INPP5D: variants seen among roughly 807,000 people sequenced by gnomAD.
INPP5D encodes the protein inositol polyphosphate-5-phosphatase D.
A neutral mutation model predicts 122.9 loss-of-function variants in INPP5D; 33 were observed. The observed-to-expected ratio is 0.27, with a 90% CI of 0.20 to 0.36. INPP5D has a LOEUF of 0.36. Among genes scored for constraint, INPP5D ranks in the 10% least tolerant of loss-of-function variants. The pLI, the probability that INPP5D is intolerant of heterozygous loss-of-function variation, is 1.00. For synonymous variants in INPP5D, 584 were observed against 576.2 expected (o/e 1.01, Z -0.19); for missense variants, 1,053 against 1,412.7 (o/e 0.75, Z 4.08).
Position 233,156,088 on chromosome 2 carries a change from G to T in INPP5D, c.1031-2225G>T, listed in dbSNP as rs145806570. 3.5e-3 allele frequency among the ~76,000 whole-genome samples: 526 copies of T among 152,346 alleles called. 6 individuals carry two copies. The highest frequency in any genetic ancestry group is 0.014 in the Middle Eastern group (4 of 294). The stretch of plus-strand genomic sequence containing the variant: ...GAAGTCTGGAAGAAACCAGGCACGA[G>T]CTTCTAAGAGTCTGAGCCTGAGACC... On this transcript the variant is annotated intron_variant, in intron 9 of 26. Coordinates refer to ENST00000445964, the MANE Select transcript of INPP5D (RefSeq NM_001017915.3).
At chr2:233,137,044 T>C (rs1693482122) in intron 5 of INPP5D, among the ~76,000 whole-genome samples, 1 of 152,202 alleles carries the variant, frequency 6.6e-6, no homozygotes. Flanking sequence ...TATTCCTGAA[T>C]GACAAAAAAG....
chr2:233,198,877 G>GAGGT (rs1695256596), intron 25 of INPP5D, among the ~76,000 whole-genome samples: 1 of 151,924 alleles, frequency 6.6e-6, no homozygotes, highest in African/African-American at 2.4e-5. Context: ...TTGAACCCAG[G>GAGGT]AGGTGGAGGT....
At position 233,163,850 on chromosome 2, in the gene INPP5D, C is replaced by G. The variant is rs1299294584; in HGVS notation, c.1384C>G (p.Leu462Val). 2 of 1,613,950 alleles carry G rather than the reference C, an allele frequency of 1.2e-6. No individual in the cohort carries two copies. The change falls in exon 12 of 27, where the codon CTG (leucine) becomes GTG (valine). Residue 462 changes from leucine (L) to valine (V), a missense_variant. Physicochemically the swap from Leu to Val is conservative, Grantham distance 32. Coordinates refer to ENST00000445964, the MANE Select transcript of INPP5D (RefSeq NM_001017915.3). The stretch of plus-strand genomic sequence containing the variant: ...GGACCCCCTGAGTGAGAAGGAGTGG[C>G]TGGAGATCCTCAAACACTCCCTGCA... ...QEDPLSEKEW[L>V]EILKHSLQEI...
intron 24 of INPP5D, among the ~76,000 whole-genome samples, chr2:233,195,828 G>A (rs889450886): frequency 8.5e-5 from 13 of 152,156 alleles, no homozygotes; most frequent in South Asian, 8.3e-4. Context: ...TTAGCTGGGC[G>A]TGGTGGTGGC....
intron 13 of INPP5D, chr2:233,169,023 A>C (rs1694418275): frequency 2.6e-6 from 1 of 381,268 alleles, no homozygotes. Flanking sequence ...CTGCCCGCTT[A>C]GCACCCTGGT....
chr2:233,075,921 A>G (rs534457483), intron 1 of INPP5D, among the ~76,000 whole-genome samples: 13 of 152,134 alleles, frequency 8.5e-5, no homozygotes, highest in Non-Finnish European at 1.3e-4. Context: ...TCTTCCTGTT[A>G]TACTAGCTTT....
intron 22 of INPP5D, among the ~76,000 whole-genome samples, chr2:233,193,484 C>T (rs1429401861): frequency 1.3e-5 from 2 of 152,190 alleles, no homozygotes; most frequent in African/African-American, 2.4e-5. Flanking sequence ...CTTGCATGTC[C>T]TCTTGCCCGC....
At chr2:233,187,868 C>T (rs566595724) in intron 21 of INPP5D, among the ~76,000 whole-genome samples, 1 of 152,222 alleles carries the variant, frequency 6.6e-6, no homozygotes, top group African/African-American at 2.4e-5. Flanking sequence ...ACAGTAGTTT[C>T]CTCCTTTGGT....
intron 16 of INPP5D, 62 bp from the exon 17 acceptor site, chr2:233,171,002 G>A (rs866796154): frequency 6.3e-7 from 1 of 1,587,854 alleles, no homozygotes; most frequent in African/African-American, 1.3e-5. Context: ...GAAGAATAGG[G>A]AAAATTGGCC....
intron 2 of INPP5D, among the ~76,000 whole-genome samples, chr2:233,095,474 G>T (rs991565907): frequency 6.6e-6 from 1 of 152,010 alleles, no homozygotes. Flanking sequence ...ACAAAAATTA[G>T]CTGGAGGGGG....
intron 2 of INPP5D, among the ~76,000 whole-genome samples, chr2:233,085,170 G>A (rs1025926882): frequency 6.6e-6 from 1 of 152,118 alleles, no homozygotes; most frequent in Admixed American, 6.5e-5. Flanking sequence ...TGGATCACCT[G>A]AGGTCAGGAG....
intron 9 of INPP5D, among the ~76,000 whole-genome samples, chr2:233,153,534 C>T (rs1487327525): frequency 6.6e-6 from 1 of 152,156 alleles, no homozygotes; most frequent in Non-Finnish European, 1.5e-5. Flanking sequence ...AAACCCTAAG[C>T]AGGTGGAAGA....
chr2:233,109,693 C>T (rs189538057), intron 2 of INPP5D, among the ~76,000 whole-genome samples: 80 of 151,974 alleles, frequency 5.3e-4, no homozygotes, highest in African/African-American at 1.9e-3. Context: ...ATTCTCCTGC[C>T]TCAGCCTCCC....
chr2:233,182,605 T>C (rs1376252918), intron 19 of INPP5D, 106 bp downstream of exon 19: 1 of 1,519,472 alleles, frequency 6.6e-7, no homozygotes, highest in Non-Finnish European at 8.9e-7. Context: ...GAAGGCTCAT[T>C]TTCCCAGGCA....
chr2:233,143,472 G>C (rs1693671465), intron 6 of INPP5D, among the ~76,000 whole-genome samples: 1 of 152,168 alleles, frequency 6.6e-6, no homozygotes, highest in Non-Finnish European at 1.5e-5. Flanking sequence ...AATTATTTAT[G>C]AGATAAATAA....
At chr2:233,190,898 T>G (rs985255398) in intron 22 of INPP5D, among the ~76,000 whole-genome samples, 1 of 152,216 alleles carries the variant, frequency 6.6e-6, no homozygotes, top group African/African-American at 2.4e-5. Context: ...CAGGATCAGA[T>G]TCACATCTTG....
At position 233,206,762 on chromosome 2, in the gene INPP5D, A is replaced by T; in HGVS notation, c.*54A>T. 1 of 749,328 alleles carries T rather than the reference A, an allele frequency of 1.3e-6. No homozygotes were observed. Among genetic ancestry groups the T allele is most frequent in the South Asian group, 1.4e-5 (1 of 70,052 alleles). The allele number at this position is 749,328 out of a possible 1,614,324, so 46.4% of individuals were successfully genotyped here. On this transcript the variant is annotated 3_prime_UTR_variant, in exon 27 of 27. Transcript: ENST00000445964. The surrounding 1 kb of genome is among the most constrained non-coding windows in gnomAD (Gnocchi z 4.0). ...GAGCCCAGAGGAACGGCGTGAAGCC[A>T]CTGGACCCTCTCCCGGGACCTCCTG...
At chr2:233,073,708 A>G (rs1286602786) in intron 1 of INPP5D, among the ~76,000 whole-genome samples, 3 of 149,232 alleles carry the variant, frequency 2.0e-5, no homozygotes, top group Non-Finnish European at 1.5e-5. Context: ...TGTAGGACTG[A>G]GATCAGCTTC....
chr2:233,134,341 G>A (rs1693410347), intron 5 of INPP5D, among the ~76,000 whole-genome samples: 1 of 152,078 alleles, frequency 6.6e-6, no homozygotes, highest in South Asian at 2.1e-4. Flanking sequence ...TAAGGTCACT[G>A]CAGGTGAGAG....
Sources: allele counts gnomAD v4.1 joint callset (sites outside exome capture counted in the v4.1 genomes callset), GRCh38; gene constraint gnomAD v4.1.1; non-coding constraint Gnocchi (gnomAD v3.1); transcripts MANE v1.5; gene names NCBI Gene and HGNC (gene_info 2026-07-23, HGNC 2026-07-21).